ENTHD1: variants seen among roughly 807,000 people sequenced by gnomAD.
ENTHD1 encodes ENTH domain-containing protein 1.
In ENTHD1, 23 loss-of-function variants were observed where a neutral mutation model predicts 39.1. That is an observed-to-expected ratio of 0.59 (90% confidence interval 0.42 to 0.83). The LOEUF is 0.83. ENTHD1 is among the 40% of genes least tolerant of loss of function. The pLI is 0.00. For synonymous variants in ENTHD1, 230 were observed against 258.2 expected (o/e 0.89, Z 1.05); for missense variants, 624 against 705.4 (o/e 0.88, Z 1.31).
chr22:39,803,572 A>G (rs1248046327), intron 5 of ENTHD1, among the ~76,000 whole-genome samples: 1 of 152,170 alleles, frequency 6.6e-6, no homozygotes, highest in Non-Finnish European at 1.5e-5. Flanking sequence ...AAACTCATTA[A>G]GTATCTACTG....
intron 5 of ENTHD1, among the ~76,000 whole-genome samples, chr22:39,806,376 G>A (rs1268144727): frequency 3.3e-5 from 5 of 152,180 alleles, no homozygotes; most frequent in African/African-American, 1.2e-4. Context: ...CCCTGCTGGT[G>A]GGGAACCTCG....
intron 4 of ENTHD1, among the ~76,000 whole-genome samples, chr22:39,825,395 TG>T (rs1226895802): frequency 3.8e-4 from 58 of 152,358 alleles, no homozygotes; most frequent in African/African-American, 1.3e-3. Flanking sequence ...GATATTAGTC[TG>T]TAGTTTTCTT....
chr22:39,788,214 T>G (rs1484985297), intron 5 of ENTHD1, among the ~76,000 whole-genome samples: 2 of 152,194 alleles, frequency 1.3e-5, no homozygotes, highest in East Asian at 3.8e-4. Flanking sequence ...CAAAGTAAAT[T>G]AAAAACCTTC....
chr22:39,844,517 C>G (rs2063240315), intron 3 of ENTHD1, among the ~76,000 whole-genome samples: 1 of 152,034 alleles, frequency 6.6e-6, no homozygotes, highest in African/African-American at 2.4e-5. Context: ...GTTAAGATAG[C>G]AAAATGAAAC....
intron 5 of ENTHD1, among the ~76,000 whole-genome samples, chr22:39,788,746 T>C (rs191790834): frequency 1.3e-5 from 2 of 152,260 alleles, no homozygotes; most frequent in African/African-American, 4.8e-5. Context: ...ATCTCATTTT[T>C]TTTAATTGCT....
chr22:39,878,572 C>T (rs2066309787), intron 2 of ENTHD1, among the ~76,000 whole-genome samples: 1 of 149,602 alleles, frequency 6.7e-6, no homozygotes, highest in African/African-American at 2.4e-5. Context: ...ATAAGAATTA[C>T]ATTCAACTTC....
In ENTHD1 at chr22:39,765,226, G is replaced by T. The variant is rs547267116; in HGVS notation, c.1216C>A (p.Arg406=). 6.3e-7 allele frequency: 1 copy of T among 1,595,608 alleles called. No homozygotes were observed. The highest frequency in any genetic ancestry group is 1.1e-5 in the South Asian group (1 of 89,336). Residue 406 remains arginine, a synonymous_variant, in exon 6 of 7, where the codon CGG becomes AGG. Coordinates refer to ENST00000325157, the MANE Select transcript of ENTHD1 (RefSeq NM_152512.4). ...MDDKILKTTT[R]VSTASEGASS... is the part of the protein sequence containing the mutation. ...TGTGTGTGTTTGGCAGACTCACCCC[G>T]TGTGGTTGTCTTGAGGATTTTATCA...
Position 39,771,813 on chromosome 22 carries a change from C to T in ENTHD1, c.833-6204G>A, listed in dbSNP as rs533669258. On this transcript the variant is annotated intron_variant, in intron 5 of 6. Coordinates refer to ENST00000325157, the MANE Select transcript of ENTHD1 (RefSeq NM_152512.4). Reference sequence around the variant, plus strand: ...ACAGAAACTAAGAGAATGAATTGCCCGTAAAACTTTATAACAAGAATTGTT... The same window carrying T: ...ACAGAAACTAAGAGAATGAATTGCCTGTAAAACTTTATAACAAGAATTGTT... Among the ~76,000 whole-genome samples the T allele has an allele frequency of 1.1e-4, 17 of 151,752 alleles. No homozygotes were observed. The South Asian group carries it at 2.9e-3, about 26-fold the overall frequency.
chr22:39,890,135 TAAATAAATAAATAAAA>T (rs1248300723), intron 1 of ENTHD1, among the ~76,000 whole-genome samples: 3 of 149,068 alleles, frequency 2.0e-5, no homozygotes, highest in African/African-American at 5.0e-5. Context: ...AATAAATAAA[TAAATAAATAAATAAAA>T]AAGAAAATGT....
At chr22:39,881,033 T>C (rs1260993840) in intron 2 of ENTHD1, among the ~76,000 whole-genome samples, 1 of 152,170 alleles carries the variant, frequency 6.6e-6, no homozygotes, top group African/African-American at 2.4e-5. Flanking sequence ...TCTCAAAGGG[T>C]TGTTGTGAAG....
intron 6 of ENTHD1, among the ~76,000 whole-genome samples, chr22:39,744,843 G>A (rs1361859489): frequency 2.0e-5 from 3 of 152,160 alleles, no homozygotes; most frequent in Admixed American, 1.3e-4. Context: ...TTTAGCACAC[G>A]TATATAATCA....
chr22:39,811,767 C>G (rs1274950005), intron 5 of ENTHD1, among the ~76,000 whole-genome samples: 1 of 152,108 alleles, frequency 6.6e-6, no homozygotes, highest in African/African-American at 2.4e-5. Flanking sequence ...ATCACAAGGT[C>G]AGGAGATCCA....
chr22:39,865,016 T>C (rs1351438231), intron 2 of ENTHD1, among the ~76,000 whole-genome samples: 1 of 152,226 alleles, frequency 6.6e-6, no homozygotes, highest in African/African-American at 2.4e-5. Context: ...TAAGTCAATT[T>C]ACAACTTAGC....
intron 5 of ENTHD1, among the ~76,000 whole-genome samples, chr22:39,793,341 GTTTTT>G (rs78459155): frequency 3.1e-5 from 4 of 130,082 alleles, no homozygotes; most frequent in Non-Finnish European, 5.0e-5. Flanking sequence ...ATTATTAGTT[GTTTTT>G]TTTTTTTTTG....
At chr22:39,768,509 A>G (rs572276115) in intron 5 of ENTHD1, among the ~76,000 whole-genome samples, 1 of 152,130 alleles carries the variant, frequency 6.6e-6, no homozygotes, top group South Asian at 2.1e-4. Flanking sequence ...TCAAATAACT[A>G]CTACTTCTAG....
chr22:39,857,859 T>G (rs1056816495), intron 3 of ENTHD1, among the ~76,000 whole-genome samples: 4 of 152,230 alleles, frequency 2.6e-5, no homozygotes, highest in Non-Finnish European at 5.9e-5. Flanking sequence ...ATTGCTAATT[T>G]AAAAAGGCTA....
chr22:39,752,802 T>A (rs182909855), intron 6 of ENTHD1, among the ~76,000 whole-genome samples: 28 of 152,324 alleles, frequency 1.8e-4, no homozygotes, highest in African/African-American at 6.7e-4. Flanking sequence ...TGGGGCTTCC[T>A]CCCTGGAGGG....
intron 3 of ENTHD1, among the ~76,000 whole-genome samples, chr22:39,847,893 G>A (rs753614696): frequency 6.6e-6 from 1 of 152,212 alleles, no homozygotes; most frequent in Non-Finnish European, 1.5e-5. Context: ...TTATCTCGCA[G>A]TTCTGTAGTC....
chr22:39,851,651 C>T (rs1057300575), intron 3 of ENTHD1, among the ~76,000 whole-genome samples: 4 of 152,212 alleles, frequency 2.6e-5, no homozygotes, highest in Non-Finnish European at 4.4e-5. Context: ...CCAAGGCTTT[C>T]CTTCCCAATG....
Sources: gnomAD v4.1 joint callset for allele counts (sites outside exome capture counted in the v4.1 genomes callset) on GRCh38, gnomAD v4.1.1 for gene constraint, MANE v1.5 for transcripts, NCBI Gene and HGNC (gene_info 2026-07-23, HGNC 2026-07-21) for gene names.